OCA2: variants seen among roughly 807,000 people sequenced by gnomAD.
The protein encoded by OCA2 is P protein.
OCA2 carries 77 observed loss-of-function variants against 100.2 expected under a neutral mutation model. The observed-to-expected ratio is 0.77, with a 90% confidence interval of 0.64 to 0.93. The LOEUF (loss-of-function observed/expected upper bound fraction) is 0.93. Ranked by LOEUF, OCA2 falls within the 40% of genes least tolerant of loss-of-function variation. The probability of loss-of-function intolerance (pLI) is 0.00; values close to 1 mark genes in which losing one functional copy is unlikely to be tolerated. For synonymous variants in OCA2, 432 were observed against 439.2 expected, an observed-to-expected ratio of 0.98 and a Z score of 0.21; for missense variants, 1,062 against 1,089.1, an observed-to-expected ratio of 0.98 and a Z score of 0.35.
chr15:28,024,988 T>G, intron 4 of OCA2, 86 bp from the exon 5 acceptor site: 2 of 1,219,538 alleles, frequency 1.6e-6, no homozygotes, highest in Non-Finnish European at 2.4e-6. Flanking sequence ...CTTGAGTAAC[T>G]TCCATCTCAA....
chr15:27,945,925 A>G (rs1018686237), intron 18 of OCA2, among the ~76,000 whole-genome samples: 2 of 152,244 alleles, frequency 1.3e-5, no homozygotes, highest in African/African-American at 4.8e-5. Context: ...ATAATCAGTT[A>G]TCCACAATCT....
chr15:28,029,968 C>T (rs1464504010), intron 3 of OCA2, among the ~76,000 whole-genome samples: 1 of 152,236 alleles, frequency 6.6e-6, no homozygotes, highest in African/African-American at 2.4e-5. Flanking sequence ...TGTCTCTGCT[C>T]TGCATGCCAG....
Position 27,770,358 on chromosome 15 carries a change from C to A in OCA2, c.2433-14886G>T, listed in dbSNP as rs529412097. On this transcript the variant is annotated intron_variant, in intron 23 of 23. Transcript: ENST00000354638. ...GCGGGGCCGGGCGAGGCTTTCAGTG[C>A]GCCCGGTTTCTCAGACCTCCAGCCG... Among the ~76,000 whole-genome samples the A allele has an allele frequency of 3.5e-3, 529 of 152,306 alleles. 6 individuals are homozygous for A. The highest frequency in any genetic ancestry group is 0.012 in the African/African-American group (502 of 41,574).
At chr15:27,735,307 T>C in the OCA2 span, among the ~76,000 whole-genome samples, 1 of 152,092 alleles carries the variant, frequency 6.6e-6, no homozygotes, top group East Asian at 1.9e-4. Flanking sequence ...TTTGAAAATA[T>C]ATAGTCAGAG....
At chr15:28,066,224 A>T (rs1347461497) in intron 2 of OCA2, among the ~76,000 whole-genome samples, 1 of 152,202 alleles carries the variant, frequency 6.6e-6, no homozygotes, top group Non-Finnish European at 1.5e-5. Flanking sequence ...AAAACTATAA[A>T]ATTTTGCTTA....
intron 23 of OCA2, among the ~76,000 whole-genome samples, chr15:27,803,062 TAATA>T (rs1334473259): frequency 3.0e-4 from 45 of 152,142 alleles, no homozygotes; most frequent in African/African-American, 1.0e-3. Context: ...GAAAATTCAA[TAATA>T]AACAAAACTC....
intron 18 of OCA2, among the ~76,000 whole-genome samples, chr15:27,929,002 G>T (rs1006311338): frequency 2.6e-5 from 4 of 152,064 alleles, no homozygotes; most frequent in Admixed American, 1.3e-4. Context: ...GAATTAATTT[G>T]GGGAAAATTA....
At chr15:27,900,495 C>A (rs1164911120) in intron 19 of OCA2, among the ~76,000 whole-genome samples, 2 of 152,140 alleles carry the variant, frequency 1.3e-5, no homozygotes, top group Non-Finnish European at 2.9e-5. Context: ...TCAAAGTATT[C>A]TTTTTCTTTT....
At chr15:27,837,998 C>T (rs913322450) in intron 23 of OCA2, among the ~76,000 whole-genome samples, 7 of 152,164 alleles carry the variant, frequency 4.6e-5, no homozygotes, top group Admixed American at 1.3e-4. Flanking sequence ...GCTGGCCACC[C>T]TGTCCACAAG....
intron 2 of OCA2, among the ~76,000 whole-genome samples, chr15:28,065,986 C>T (rs537733590): frequency 2.4e-4 from 37 of 152,216 alleles, no homozygotes; most frequent in African/African-American, 8.2e-4. Flanking sequence ...TATTCACAGA[C>T]ATGATTATTT....
chr15:27,942,084 G>A (rs1328651499), intron 18 of OCA2, among the ~76,000 whole-genome samples: 1 of 151,974 alleles, frequency 6.6e-6, no homozygotes, highest in Non-Finnish European at 1.5e-5. Context: ...ATCTGCTCTG[G>A]AAAAGCAGTT....
chr15:27,950,296 G>GT (rs982975244), intron 18 of OCA2, among the ~76,000 whole-genome samples: 3 of 152,112 alleles, frequency 2.0e-5, no homozygotes, highest in African/African-American at 7.2e-5. Flanking sequence ...CAAAACACTA[G>GT]TTTTTTAAAT....
At chr15:28,051,595 CTTTTTTTT>C (rs11292828) in intron 2 of OCA2, among the ~76,000 whole-genome samples, 1 of 82,484 alleles carries the variant, frequency 1.2e-5, no homozygotes, top group African/African-American at 7.4e-5. Context: ...CCTGGCCTTC[CTTTTTTTT>C]TTTTTTTTTT....
chr15:28,071,172 T>TAAA (rs756669802), intron 2 of OCA2, among the ~76,000 whole-genome samples: 4 of 126,074 alleles, frequency 3.2e-5, no homozygotes, highest in African/African-American at 1.1e-4. Context: ...AAAAATAAAT[T>TAAA]AAAAAAAAAA....
At chr15:27,950,613 C>A (rs751334689) in intron 18 of OCA2, 5 of 499,750 alleles carry the variant, frequency 1.0e-5, no homozygotes, top group Non-Finnish European at 2.0e-5. Flanking sequence ...GGAGGGGCTG[C>A]AAATACATAA....
At position 27,971,504 on chromosome 15, in the gene OCA2, G is replaced by A. The variant is rs78648067; in HGVS notation, c.1504-4682C>T. 1.6e-3 allele frequency among the ~76,000 whole-genome samples: 248 copies of A among 152,214 alleles called. 3 individuals are homozygous for A. In the East Asian group the frequency reaches 0.022, roughly 14 times the overall value. ...TGGTGCGCGTGGATGCTACAGCCAG[G>A]CCGACTCATGCTTACCCAAGGGAGG... On this transcript the variant is annotated intron_variant, in intron 14 of 23. Transcript: ENST00000354638.
Position 27,985,157 on chromosome 15 carries a change from G to A in OCA2, c.1271C>T (p.Ala424Val). The change falls in exon 13 of 24, where the codon GCC (alanine) becomes GTC (valine). Residue 424 changes from alanine (A) to valine (V), a missense_variant. Coordinates refer to ENST00000354638, the MANE Select transcript of OCA2 (RefSeq NM_000275.3). ...GATGAGACAGAGCATGATGATCATG[G>A]CCCACACCCGTCCCCGGGAGAGCCG... ...AYRLSRGRVWAMIIMLCLIAA... is the reference protein window; with the variant it reads ...AYRLSRGRVWVMIIMLCLIAA... 1 of 1,613,856 alleles carries A rather than the reference G, an allele frequency of 6.2e-7. No individual in the cohort carries two copies. Among genetic ancestry groups the A allele is most frequent in the Non-Finnish European group, 8.5e-7 (1 of 1,179,944 alleles).
At chr15:27,798,293 G>A (rs1281195368) in intron 23 of OCA2, among the ~76,000 whole-genome samples, 1 of 152,202 alleles carries the variant, frequency 6.6e-6, no homozygotes, top group Admixed American at 6.5e-5. Context: ...TTCTGCCTAA[G>A]AGAGGTGGGA....
intron 14 of OCA2, 103 bp downstream of exon 14, chr15:27,983,242 C>T (rs1245866212): frequency 2.2e-6 from 3 of 1,384,820 alleles, no homozygotes; most frequent in Non-Finnish European, 2.0e-6. Context: ...GAAGAGGTGG[C>T]GTGATGATCT....
Sources: gnomAD v4.1 joint callset for allele counts (sites outside exome capture counted in the v4.1 genomes callset) on GRCh38, gnomAD v4.1.1 for gene constraint, MANE v1.5 for transcripts, NCBI Gene and HGNC (gene_info 2026-07-23, HGNC 2026-07-21) for gene names.